The following PDE7A variants were observed in gnomAD, a reference collection of about 807,000 sequenced individuals.
PDE7A encodes the protein phosphodiesterase 7A, also known as high affinity 3',5'-cyclic-AMP phosphodiesterase 7A.
Under a neutral mutation model 64.3 loss-of-function variants are expected in PDE7A, and 39 were observed. The observed-to-expected ratio is 0.61, with a 90% confidence interval of 0.47 to 0.79. The LOEUF is 0.79. Ranked by LOEUF, PDE7A falls within the 30% of genes least tolerant of loss-of-function variation. The pLI, the probability that PDE7A is intolerant of heterozygous loss-of-function variation, is 0.00. For missense variants in PDE7A, 470 were observed against 582.8 expected (o/e 0.81, Z 1.99); for synonymous variants, 203 against 206.8 (o/e 0.98, Z 0.16).
At chr8:65,822,882 G>A (rs574326881) in intron 1 of PDE7A, among the ~76,000 whole-genome samples, 5 of 152,192 alleles carry the variant, frequency 3.3e-5, no homozygotes, top group Non-Finnish European at 5.9e-5. Context: ...TAATTTAACA[G>A]ATTATCTGAG....
intron 1 of PDE7A, among the ~76,000 whole-genome samples, chr8:65,786,558 T>C (rs933458336): frequency 1.3e-5 from 2 of 152,204 alleles, no homozygotes; most frequent in South Asian, 2.1e-4. Flanking sequence ...AAAATAATTA[T>C]ATCTACTTTT....
intron 1 of PDE7A, among the ~76,000 whole-genome samples, chr8:65,824,451 GGACT>G (rs1316730125): frequency 3.9e-5 from 6 of 152,138 alleles, no homozygotes; most frequent in Non-Finnish European, 8.8e-5. Context: ...GGGTTTGAGA[GGACT>G]GACTTCAATT....
At chr8:65,834,095 T>G (rs1810896143) in intron 1 of PDE7A, among the ~76,000 whole-genome samples, 1 of 152,174 alleles carries the variant, frequency 6.6e-6, no homozygotes, top group African/African-American at 2.4e-5. Context: ...CAGATTTTTT[T>G]CAATAAATAT....
chr8:65,835,477 G>A (rs779671150), intron 1 of PDE7A, among the ~76,000 whole-genome samples: 1 of 152,174 alleles, frequency 6.6e-6, no homozygotes, highest in Non-Finnish European at 1.5e-5. Flanking sequence ...AGACAAAAAT[G>A]AGACAGAACC....
At chr8:65,736,629 T>C (rs1807138611) in intron 6 of PDE7A, among the ~76,000 whole-genome samples, 1 of 151,850 alleles carries the variant, frequency 6.6e-6, no homozygotes, top group Non-Finnish European at 1.5e-5. Context: ...TGCACACCTA[T>C]ATTCCTAGCT....
At chr8:65,742,055 T>C (rs1807461520) in intron 5 of PDE7A, among the ~76,000 whole-genome samples, 1 of 151,916 alleles carries the variant, frequency 6.6e-6, no homozygotes, top group Non-Finnish European at 1.5e-5. Context: ...AGAACACAAG[T>C]CAACAAAATA....
intron 2 of PDE7A, among the ~76,000 whole-genome samples, chr8:65,780,136 T>TA (rs1809373444): frequency 6.6e-6 from 1 of 151,298 alleles, no homozygotes; most frequent in African/African-American, 2.4e-5. Flanking sequence ...TTTTTTTTTT[T>TA]TAAAAAAAGG....
chr8:65,813,364 T>G (rs1395050012), intron 1 of PDE7A, among the ~76,000 whole-genome samples: 1 of 152,180 alleles, frequency 6.6e-6, no homozygotes, highest in Non-Finnish European at 1.5e-5. Context: ...GTTAACAGCC[T>G]AAGCATCTTG....
chr8:65,798,206 A>ATATATATATATATTTTTTTT, intron 1 of PDE7A, among the ~76,000 whole-genome samples: 4 of 73,834 alleles, frequency 5.4e-5, no homozygotes, highest in African/African-American at 1.2e-4. Context: ...ATATATATAT[A>ATATATATATATATTTTTTTT]TTTTTTTTTT....
chr8:65,729,999 G>A (rs567710588), intron 7 of PDE7A, among the ~76,000 whole-genome samples: 86 of 151,768 alleles, frequency 5.7e-4, no homozygotes, highest in Admixed American at 9.8e-4. Context: ...GCCATGGACC[G>A]GTACTGGTCC....
chr8:65,820,568 T>C (rs1471763691), intron 1 of PDE7A, among the ~76,000 whole-genome samples: 2 of 152,218 alleles, frequency 1.3e-5, no homozygotes, highest in Admixed American at 1.3e-4. Context: ...TAAATTACTT[T>C]GACAATTTTA....
chr8:65,724,984 T>C, intron 9 of PDE7A, 63 bp from the exon 10 acceptor site: 2 of 1,109,862 alleles, frequency 1.8e-6, no homozygotes, highest in Non-Finnish European at 2.5e-6. Flanking sequence ...ATTGATTTTT[T>C]TTCTTAACCA....
chr8:65,740,591 A>G (rs943602195), intron 5 of PDE7A, among the ~76,000 whole-genome samples: 1 of 152,048 alleles, frequency 6.6e-6, no homozygotes, highest in Non-Finnish European at 1.5e-5. Context: ...TAGTAGAGAC[A>G]GGGTTTCACT....
intron 3 of PDE7A, among the ~76,000 whole-genome samples, chr8:65,762,191 C>A (rs572286527): frequency 4.6e-5 from 7 of 152,244 alleles, no homozygotes; most frequent in Non-Finnish European, 8.8e-5. Flanking sequence ...TTAAAACAAA[C>A]CTGAAGATGT....
At chr8:65,733,522 T>C (rs1806993683) in intron 7 of PDE7A, among the ~76,000 whole-genome samples, 1 of 152,016 alleles carries the variant, frequency 6.6e-6, no homozygotes, top group Non-Finnish European at 1.5e-5. Context: ...TTTAAAAAAT[T>C]AGCTGGCCTC....
intron 1 of PDE7A, among the ~76,000 whole-genome samples, chr8:65,821,010 C>T (rs1255915580): frequency 6.6e-6 from 1 of 152,092 alleles, no homozygotes; most frequent in Non-Finnish European, 1.5e-5. Flanking sequence ...GGTCCTCTGG[C>T]CAATATTCCA....
At chr8:65,719,628 T>G in intron 12 of PDE7A, 133 bp from the exon 13 acceptor site, 1 of 648,870 alleles carries the variant, frequency 1.5e-6, no homozygotes, top group African/African-American at 1.8e-5. Flanking sequence ...AAGATTCCTG[T>G]GTATGTGTAG....
intron 3 of PDE7A, among the ~76,000 whole-genome samples, chr8:65,752,194 C>T (rs1808001519): frequency 6.6e-6 from 1 of 152,140 alleles, no homozygotes; most frequent in Non-Finnish European, 1.5e-5. Context: ...TGTTAGTTAC[C>T]AGAGCATATT....
At chr8:65,815,928 C>G (rs1407123304) in intron 1 of PDE7A, among the ~76,000 whole-genome samples, 1 of 152,204 alleles carries the variant, frequency 6.6e-6, no homozygotes, top group African/African-American at 2.4e-5. Context: ...CAAAGCAACA[C>G]ACTATAACAA....
Sources: gnomAD v4.1 joint callset for allele counts (sites outside exome capture counted in the v4.1 genomes callset) on GRCh38, gnomAD v4.1.1 for gene constraint, MANE v1.5 for transcripts, NCBI Gene and HGNC (gene_info 2026-07-23, HGNC 2026-07-21) for gene names.